ABLIM2: variants seen among roughly 807,000 people sequenced by gnomAD.
ABLIM2 encodes the protein actin-binding LIM protein 2.
ABLIM2 carries 53 observed loss-of-function variants against 97.7 expected under a neutral mutation model. The observed-to-expected ratio is 0.54, with a 90% CI of 0.44 to 0.68. The LOEUF is 0.68. Ranked by LOEUF, ABLIM2 falls within the 30% of genes least tolerant of loss-of-function variation. ABLIM2 has a pLI of 0.00. For missense variants in ABLIM2, 835 were observed against 867.2 expected (o/e 0.96, Z 0.47); for synonymous variants, 361 against 345.8 (o/e 1.04, Z -0.49).
chr4:8,098,066 G>T (rs1832624464), intron 2 of ABLIM2, among the ~76,000 whole-genome samples: 1 of 152,170 alleles, frequency 6.6e-6, no homozygotes, highest in South Asian at 2.1e-4. Context: ...CCCAGTCCAT[G>T]TCCTGAGACC....
rs1270014599 is a variant in ABLIM2 at position 8,095,080 on chromosome 4, CTCTCTCTT to C, written c.338+2011_338+2018del. On this transcript the variant is annotated intron_variant, in intron 3 of 20. Transcript: ENST00000447017. This position sits in a 1 kb window ranked among gnomAD's most constrained non-coding sequence, Gnocchi z 4.7. Reference sequence around the variant, plus strand: ...TCTTTCTCTTTCTTTCTTTCTCTCTCTCTCTCTTTCTTTCTTTCTCTTTCCTTTTCTTT... The same window carrying C: ...TCTTTCTCTTTCTTTCTTTCTCTCTCTCTTTCTTTCTCTTTCCTTTTCTTT... 7.3e-5 allele frequency among the ~76,000 whole-genome samples: 10 copies of C among 137,640 alleles called. No individual in the cohort carries two copies. The highest frequency in any genetic ancestry group is 1.3e-4 in the African/African-American group (5 of 38,706). The allele number at this position is 137,640 out of a possible 152,430, so 90.3% of individuals were successfully genotyped here.
At chr4:8,010,653 GAC>G in intron 14 of ABLIM2, 1 of 895,766 alleles carries the variant, frequency 1.1e-6, no homozygotes, top group Non-Finnish European at 1.3e-6. Flanking sequence ...TTCCAGGAGA[GAC>G]AGTGATTTTC....
At position 7,969,024 on chromosome 4, in the gene ABLIM2, C is replaced by T. The variant is rs552686897; in HGVS notation, c.1825-1921G>A. On this transcript the variant is annotated intron_variant, in intron 20 of 20. Coordinates refer to ENST00000447017, the MANE Select transcript of ABLIM2 (RefSeq NM_001130083.2). Reference sequence around the variant, plus strand: ...GCACATGCCTGTAATCCCAGCTACTCGAGAGGCTGAGGCAGGAGAATCGCT... The same window carrying T: ...GCACATGCCTGTAATCCCAGCTACTTGAGAGGCTGAGGCAGGAGAATCGCT... Among the ~76,000 whole-genome samples the T allele has an allele frequency of 3.3e-4, 50 of 152,072 alleles. 1 individual carries two copies. Among genetic ancestry groups the T allele is most frequent in the Non-Finnish European group, 6.0e-4 (41 of 67,976 alleles).
chr4:7,981,704 C>G (rs1738594776), intron 20 of ABLIM2, among the ~76,000 whole-genome samples: 1 of 152,198 alleles, frequency 6.6e-6, no homozygotes, highest in African/African-American at 2.4e-5. Flanking sequence ...GTCCTGGTCC[C>G]CTCCCTGTAC....
Position 7,966,883 on chromosome 4 carries a change from GACACAGAGAAGCCAGAGCAAGGTGTGT to G in ABLIM2, c.*80_*106del. ...GGGACCCCCTCCCGCCCACCCCATG[GACACAGAGAAGCCAGAGCAAGGTGTGT>G]GGGAGGGGTGTGTGCGGTTCTCGCC... On this transcript the variant is annotated 3_prime_UTR_variant, in exon 21 of 21. Coordinates refer to ENST00000447017, the MANE Select transcript of ABLIM2 (RefSeq NM_001130083.2). 3.5e-6 allele frequency: 1 copy of G among 285,356 alleles called. No homozygotes were observed. 17.7% of individuals were successfully genotyped at this position (285,356 alleles called of 1,614,324 possible).
chr4:8,149,284 T>C lies in ABLIM2; in HGVS notation c.10+9396A>G, dbSNP rs1018332302. ...TCTCCCTGTGGCAAAATCCTTCACA[T>C]AGTCGCATATGAACAGTCATTTTGC... On this transcript the variant is annotated intron_variant, in intron 1 of 20. Transcript: ENST00000447017. The surrounding 1 kb of genome is among the most constrained non-coding windows in gnomAD (Gnocchi z 6.4). Among the ~76,000 whole-genome samples the C allele has an allele frequency of 6.6e-5, 10 of 152,096 alleles. No individual in the cohort carries two copies. The highest frequency in any genetic ancestry group is 2.2e-4 in the African/African-American group (9 of 41,414).
intron 7 of ABLIM2, among the ~76,000 whole-genome samples, chr4:8,056,112 C>CAAAAAGAAAAAAA (rs1798922590): frequency 1.5e-5 from 1 of 68,334 alleles, no homozygotes; most frequent in Non-Finnish European, 2.8e-5. Context: ...GACTCTGTCT[C>CAAAAAGAAAAAAA]AAAAAAAAAA....
In ABLIM2 at chr4:8,071,982, C is replaced by G; in HGVS notation, c.675+5646G>C. 1 of 985,558 alleles carries G rather than the reference C, an allele frequency of 1.0e-6. No individual in the cohort carries two copies. The allele number at this position is 985,558 out of a possible 1,614,324, so 61.1% of individuals were successfully genotyped here. A position where few individuals can be genotyped will look rare whatever the true frequency, so the allele number is the denominator to read the frequency against. The stretch of plus-strand genomic sequence containing the variant: ...TGCCACCGCGGCGGCGGCAGCTCCC[C>G]TTCTGCGGAGCCAGGCTTGTCCCCG... On this transcript the variant is annotated intron_variant, in intron 6 of 20. Transcript: ENST00000447017. The surrounding 1 kb of genome is among the most constrained non-coding windows in gnomAD (Gnocchi z 6.2).
chr4:8,028,318 G>A (rs1778730174), intron 11 of ABLIM2, among the ~76,000 whole-genome samples: 1 of 152,238 alleles, frequency 6.6e-6, no homozygotes, highest in African/African-American at 2.4e-5. Flanking sequence ...GATTGAGCCA[G>A]CAAAGGGCCC....
chr4:8,151,497 C>T (rs991502643), intron 1 of ABLIM2, among the ~76,000 whole-genome samples: 2 of 152,320 alleles, frequency 1.3e-5, no homozygotes, highest in East Asian at 1.9e-4. Context: ...CACCTCCCTC[C>T]ACGCCAGAGA....
intron 20 of ABLIM2, among the ~76,000 whole-genome samples, chr4:7,980,558 TAAA>T (rs929372039): frequency 2.0e-5 from 3 of 151,770 alleles, no homozygotes; most frequent in Non-Finnish European, 2.9e-5. Flanking sequence ...CTACTAAAAA[TAAA>T]AAAATTAGCC....
chr4:8,039,407 C>T (rs570247543), intron 9 of ABLIM2, among the ~76,000 whole-genome samples: 1 of 152,300 alleles, frequency 6.6e-6, no homozygotes, highest in Admixed American at 6.5e-5. Flanking sequence ...GAGAGGGCAG[C>T]CTGCACGATG....
intron 8 of ABLIM2, among the ~76,000 whole-genome samples, chr4:8,047,274 G>A (rs535875097): frequency 6.6e-6 from 1 of 152,126 alleles, no homozygotes; most frequent in Non-Finnish European, 1.5e-5. Context: ...CTCTGCACTC[G>A]CCTCCGCTCC....
chr4:8,045,112 C>T, intron 9 of ABLIM2, 52 bp downstream of exon 9: 1 of 1,551,558 alleles, frequency 6.4e-7, no homozygotes, highest in Non-Finnish European at 8.9e-7. Context: ...ACCGGGCCCC[C>T]CTTCTCTCTC....
At chr4:8,027,077 G>C (rs1360469822) in intron 12 of ABLIM2, among the ~76,000 whole-genome samples, 1 of 152,168 alleles carries the variant, frequency 6.6e-6, no homozygotes, top group South Asian at 2.1e-4. Flanking sequence ...TATGGGATCT[G>C]TGCCCACCCT....
At chr4:7,988,316 C>T (rs1746041052) in intron 17 of ABLIM2, among the ~76,000 whole-genome samples, 1 of 152,242 alleles carries the variant, frequency 6.6e-6, no homozygotes. Context: ...AACCACCACG[C>T]CCGGCCTGTT....
chr4:8,142,686 G>T (rs1051825344), intron 1 of ABLIM2, among the ~76,000 whole-genome samples: 1 of 152,218 alleles, frequency 6.6e-6, no homozygotes, highest in African/African-American at 2.4e-5. Context: ...CACAGAGGGG[G>T]ACCAGGGCTC....
rs1217836320 is a variant in ABLIM2 at position 8,148,288 on chromosome 4, G to C, written c.10+10392C>G. Among the ~76,000 whole-genome samples the C allele has an allele frequency of 6.6e-6, 1 of 152,232 alleles. No homozygotes were observed. The highest frequency in any genetic ancestry group is 1.5e-5 in the Non-Finnish European group (1 of 68,050). ...GGGGAGAGGATGAGCTGGTGGATGA[G>C]AGGGCTGCAGCTGCAGGTGACCTAA... On this transcript the variant is annotated intron_variant, in intron 1 of 20. Coordinates refer to ENST00000447017, the MANE Select transcript of ABLIM2 (RefSeq NM_001130083.2). This position sits in a 1 kb window ranked among gnomAD's most constrained non-coding sequence, Gnocchi z 6.7.
chr4:8,061,644 T>C lies in ABLIM2; in HGVS notation c.676-590A>G, dbSNP rs2152120946. The stretch of plus-strand genomic sequence containing the variant: ...CACATTGCCTGGTTTGGCTTATTTT[T>C]GCCTGGAGCAAAAAAAAAAAAAATC... On this transcript the variant is annotated intron_variant, in intron 6 of 20. Coordinates refer to ENST00000447017, the MANE Select transcript of ABLIM2 (RefSeq NM_001130083.2). This position sits in a 1 kb window ranked among gnomAD's most constrained non-coding sequence, Gnocchi z 4.5. 6.7e-6 allele frequency among the ~76,000 whole-genome samples: 1 copy of C among 149,254 alleles called. No homozygotes were observed. Among genetic ancestry groups the C allele is most frequent in the Middle Eastern group, 3.4e-3 (1 of 292 alleles).
Sources: gnomAD v4.1 joint callset for allele counts (sites outside exome capture counted in the v4.1 genomes callset) on GRCh38, gnomAD v4.1.1 for gene constraint, Gnocchi (gnomAD v3.1) non-coding constraint, MANE v1.5 for transcripts, NCBI Gene and HGNC (gene_info 2026-07-23, HGNC 2026-07-21) for gene names.